Variants in CCZ1 observed in about 807,000 individuals in gnomAD.
The protein encoded by CCZ1 is CCZ1 vacuolar protein trafficking and biogenesis associated.
Under a neutral mutation model 57.8 loss-of-function variants are expected in CCZ1, and 19 were observed. The observed-to-expected ratio is 0.33, with a 90% CI of 0.23 to 0.48. The LOEUF is 0.48. Ranked by LOEUF, CCZ1 falls within the 20% of genes least tolerant of loss-of-function variation. The pLI is 0.99. For synonymous variants in CCZ1, 81 were observed against 167.0 expected, an observed-to-expected ratio of 0.49 and a Z score of 3.97; for missense variants, 200 against 492.0, an observed-to-expected ratio of 0.41 and a Z score of 5.61.
intron 7 of CCZ1, among the ~76,000 whole-genome samples, chr7:5,906,413 C>A (rs74630137): frequency 0.2 from 29,511 of 144,370 alleles, 2,897 homozygotes; most frequent in Admixed American, 0.33. Context: ...ACTTCCCCTT[C>A]CTGGGTTCAA....
rs1194053290 is a variant in CCZ1 at position 5,902,643 on chromosome 7, A to G, written c.439-18A>G. 8.9e-6 allele frequency: 14 copies of G among 1,566,684 alleles called. 2 individuals carry two copies. Among genetic ancestry groups the G allele is most frequent in the South Asian group, 1.3e-5 (1 of 79,712 alleles). On this transcript the variant is annotated intron_variant, in intron 5 of 14. Coordinates refer to ENST00000325974, the MANE Select transcript of CCZ1 (RefSeq NM_015622.6). ...ATAGGAAACTGATTTTTTTTCCTGC[A>G]ATCTTTTACCTCACTAGCTTTTTAA...
intron 11 of CCZ1, chr7:5,919,204 T>G (rs879400306): frequency 2.0e-6 from 1 of 498,346 alleles, no homozygotes; most frequent in African/African-American, 2.0e-5. Context: ...CCCGGGCTAG[T>G]GTCAAACTCC....
At chr7:5,899,336 TGTGTGTGTG>T (rs1781627156) in intron 1 of CCZ1, among the ~76,000 whole-genome samples, 1 of 1,232 alleles carries the variant, frequency 8.1e-4, no homozygotes, top group Non-Finnish European at 3.1e-3. Context: ...GGGAGGGGGG[TGTGTGTGTG>T]TGTGTGTGTG....
intron 1 of CCZ1, among the ~76,000 whole-genome samples, chr7:5,899,756 C>T (rs918006757): frequency 1.3e-5 from 2 of 151,408 alleles, no homozygotes; most frequent in African/African-American, 4.9e-5. Flanking sequence ...CAGCACAGAC[C>T]CCATCTCCAG....
Position 5,910,978 on chromosome 7 carries a change from GA to G in CCZ1, c.780+863del, listed in dbSNP as rs1261362282. Among the ~76,000 whole-genome samples the G allele has an allele frequency of 4.1e-5, 6 of 147,084 alleles. 1 individual carries two copies. The highest frequency in any genetic ancestry group is 1.5e-4 in the African/African-American group (6 of 39,528). Reference sequence around the variant, plus strand: ...CTCGAACTCCTGACCTCAGGTGATTGACCCGCCACAGCCTTCCAAAGTGCTG... The same window carrying G: ...CTCGAACTCCTGACCTCAGGTGATTGCCCGCCACAGCCTTCCAAAGTGCTG... On this transcript the variant is annotated intron_variant, in intron 8 of 14. Coordinates refer to ENST00000325974, the MANE Select transcript of CCZ1 (RefSeq NM_015622.6).
At chr7:5,909,234 C>G (rs958194608) in intron 7 of CCZ1, among the ~76,000 whole-genome samples, 1 of 148,934 alleles carries the variant, frequency 6.7e-6, no homozygotes, top group Non-Finnish European at 1.5e-5. Context: ...ACTTCGCAGT[C>G]AGGTGGTGAG....
chr7:5,920,789 A>ATAT (rs1779226408), intron 12 of CCZ1, among the ~76,000 whole-genome samples: 1 of 97,072 alleles, frequency 1.0e-5, no homozygotes, highest in South Asian at 2.9e-4. Context: ...TCTTTTCTCA[A>ATAT]TATAAAATAG....
chr7:5,921,843 G>GT, intron 12 of CCZ1, among the ~76,000 whole-genome samples: 2 of 135,832 alleles, frequency 1.5e-5, no homozygotes, highest in South Asian at 4.7e-4. Context: ...CGTGTCACCT[G>GT]TTTTGTTTTT....
At chr7:5,902,791 G>C (rs766959467) in intron 6 of CCZ1, 47 bp downstream of exon 6, 1 of 1,572,492 alleles carries the variant, frequency 6.4e-7, no homozygotes, top group Non-Finnish European at 8.6e-7. Context: ...CATTCAGCAG[G>C]TTTTTAGAGA....
At chr7:5,903,675 T>C (rs902959457) in intron 6 of CCZ1, among the ~76,000 whole-genome samples, 2 of 145,416 alleles carry the variant, frequency 1.4e-5, no homozygotes, top group Admixed American at 1.4e-4. Flanking sequence ...TGAGTACATA[T>C]CATTTAGACA....
intron 12 of CCZ1, among the ~76,000 whole-genome samples, chr7:5,920,487 T>TTTG (rs1360301005): frequency 1.7e-5 from 2 of 117,396 alleles, no homozygotes; most frequent in Non-Finnish European, 3.7e-5. Flanking sequence ...TTTTTTTTTT[T>TTTG]GAGACAAATT....
At chr7:5,910,383 T>C in intron 8 of CCZ1, 1 of 357,064 alleles carries the variant, frequency 2.8e-6, no homozygotes, top group African/African-American at 2.1e-5. Context: ...TGTTTGGTTT[T>C]TGAGACGGAG....
chr7:5,920,487 T>TTTTTTTTTTTTTA (rs1360301005), intron 12 of CCZ1, among the ~76,000 whole-genome samples: 2 of 117,396 alleles, frequency 1.7e-5, no homozygotes, highest in Admixed American at 8.2e-5. Flanking sequence ...TTTTTTTTTT[T>TTTTTTTTTTTTTA]GAGACAAATT....
chr7:5,901,751 T>A, intron 5 of CCZ1, 47 bp downstream of exon 5: 1 of 1,593,120 alleles, frequency 6.3e-7, no homozygotes, highest in Non-Finnish European at 8.5e-7. Context: ...CACTTACCCC[T>A]ATCTCTAGGC....
intron 10 of CCZ1, 56 bp downstream of exon 10, chr7:5,913,010 C>T: frequency 6.2e-7 from 1 of 1,604,466 alleles, no homozygotes. Flanking sequence ...ATCTTTCTTG[C>T]ATGTGTACAC....
chr7:5,901,955 A>T (rs371384160), intron 5 of CCZ1: 1 of 479,602 alleles, frequency 2.1e-6, no homozygotes, highest in East Asian at 4.9e-5. Flanking sequence ...AAGTGTGTCT[A>T]TGTGCTCAAG....
At chr7:5,907,391 A>G (rs1781856679) in intron 7 of CCZ1, among the ~76,000 whole-genome samples, 1 of 149,366 alleles carries the variant, frequency 6.7e-6, no homozygotes, top group African/African-American at 2.5e-5. Flanking sequence ...AGCCACAGCG[A>G]TAGGGAGATG....
At chr7:5,917,855 C>CG (rs1420110470) in intron 10 of CCZ1, 6 of 121,456 alleles carry the variant, frequency 4.9e-5, no homozygotes, top group African/African-American at 2.1e-4. Flanking sequence ...CCACCACACC[C>CG]GGCCCCACTT....
intron 7 of CCZ1, among the ~76,000 whole-genome samples, chr7:5,909,592 T>C (rs200864397): frequency 0.063 from 8,506 of 134,678 alleles, 407 homozygotes; most frequent in East Asian, 0.28. Context: ...CCAGCTAGTC[T>C]GGAGGCTGAG....
Sources: gnomAD v4.1 joint callset for allele counts (sites outside exome capture counted in the v4.1 genomes callset) on GRCh38, gnomAD v4.1.1 for gene constraint, MANE v1.5 for transcripts, NCBI Gene and HGNC (gene_info 2026-07-23, HGNC 2026-07-21) for gene names.